The following SORBS2 variants were observed in gnomAD, a reference collection of about 807,000 sequenced individuals.
SORBS2 encodes sorbin and SH3 domain-containing protein 2.
In SORBS2, 46 loss-of-function variants were observed where a neutral mutation model predicts 97.7. The ratio of observed to expected loss-of-function variants is 0.47; its 90% CI spans 0.37 to 0.60. SORBS2 has a LOEUF of 0.60. SORBS2 is among the 20% of genes least tolerant of loss of function. The pLI is 0.00. For missense variants in SORBS2, 1,316 were observed against 1,282.3 expected, an observed-to-expected ratio of 1.03 and a Z score of -0.40; for synonymous variants, 476 against 473.4, an observed-to-expected ratio of 1.01 and a Z score of -0.07.
At chr4:185,942,568 C>T (rs2099272598) in intron 1 of SORBS2, among the ~76,000 whole-genome samples, 1 of 152,072 alleles carries the variant, frequency 6.6e-6, no homozygotes, top group Middle Eastern at 3.2e-3. Context: ...TCAGGCTGGT[C>T]TTGAACTCCT....
chr4:185,636,847 C>T (rs888055593), intron 4 of SORBS2, among the ~76,000 whole-genome samples: 9 of 152,094 alleles, frequency 5.9e-5, no homozygotes, highest in Admixed American at 5.9e-4. Context: ...CGGGGTTTCA[C>T]CATGTTGGCC....
At chr4:185,808,518 T>C (rs2099166144) in intron 1 of SORBS2, among the ~76,000 whole-genome samples, 1 of 152,308 alleles carries the variant, frequency 6.6e-6, no homozygotes, top group East Asian at 1.9e-4. Flanking sequence ...TGTTATCTAA[T>C]ATAGAACAGA....
chr4:185,914,053 A>T (rs1188998062), intron 1 of SORBS2, among the ~76,000 whole-genome samples: 2 of 152,166 alleles, frequency 1.3e-5, no homozygotes, highest in Non-Finnish European at 2.9e-5. Context: ...TTTGAGTACC[A>T]AAACAAGTAT....
intron 2 of SORBS2, among the ~76,000 whole-genome samples, chr4:185,739,584 G>T: frequency 6.6e-6 from 1 of 152,194 alleles, no homozygotes; most frequent in Middle Eastern, 3.2e-3. Flanking sequence ...TGTGCGTATT[G>T]AGGTGTGTGT....
At chr4:185,899,366 TTTTTA>T (rs2099246460) in intron 1 of SORBS2, among the ~76,000 whole-genome samples, 1 of 152,182 alleles carries the variant, frequency 6.6e-6, no homozygotes, top group African/African-American at 2.4e-5. Flanking sequence ...TTGGACATAT[TTTTTA>T]TTTTAGAGTG....
intron 4 of SORBS2, 33 bp from the exon 17 acceptor site, chr4:185,630,631 T>A: frequency 6.8e-7 from 1 of 1,463,774 alleles, no homozygotes; most frequent in African/African-American, 1.4e-5. Flanking sequence ...CCATGAAAAA[T>A]TTTACCGTGG....
At chr4:185,786,839 G>A (rs1584825850) in intron 1 of SORBS2, among the ~76,000 whole-genome samples, 1 of 152,064 alleles carries the variant, frequency 6.6e-6, no homozygotes, top group South Asian at 2.1e-4. Flanking sequence ...GTGTGTACCT[G>A]TAATCCCAGC....
At chr4:185,787,986 C>T (rs544021846) in intron 1 of SORBS2, among the ~76,000 whole-genome samples, 4 of 152,288 alleles carry the variant, frequency 2.6e-5, no homozygotes, top group Admixed American at 6.5e-5. Context: ...AACATTGTTG[C>T]GGCGAATGGG....
chr4:185,795,051 C>T (rs561274152), intron 1 of SORBS2, among the ~76,000 whole-genome samples: 3 of 152,186 alleles, frequency 2.0e-5, no homozygotes, highest in African/African-American at 7.2e-5. Context: ...TGTGTATAGG[C>T]GGGCTTCATG....
At chr4:185,747,860 G>C (rs939796875) in intron 2 of SORBS2, among the ~76,000 whole-genome samples, 2 of 152,114 alleles carry the variant, frequency 1.3e-5, no homozygotes, top group African/African-American at 4.8e-5. Context: ...GCACGGTGGA[G>C]GGCGCCGGTA....
chr4:185,752,575 C>A (rs373229624), intron 2 of SORBS2, among the ~76,000 whole-genome samples: 89 of 152,158 alleles, frequency 5.8e-4, no homozygotes, highest in Middle Eastern at 3.4e-3. Flanking sequence ...CGTGCCCAGC[C>A]CTGCAGCAGA....
At chr4:185,778,549 T>A (rs755158389) in intron 1 of SORBS2, among the ~76,000 whole-genome samples, 2 of 152,122 alleles carry the variant, frequency 1.3e-5, no homozygotes, top group Non-Finnish European at 2.9e-5. Context: ...AGAGAAATGA[T>A]ATGAAGTAGT....
rs145740090 is a variant in SORBS2, at chr4:185,607,647, T to A, written c.2796+4133A>T. Among the ~76,000 whole-genome samples, 1 of 152,244 alleles carries A rather than the reference T, an allele frequency of 6.6e-6. No homozygotes were observed. The highest frequency in any genetic ancestry group is 1.9e-4 in the East Asian group (1 of 5,182). On this transcript the variant is annotated intron_variant, in intron 12 of 14. Transcript: ENST00000418609. This position sits in a 1 kb window ranked among gnomAD's most constrained non-coding sequence, Gnocchi z 5.2. The stretch of plus-strand genomic sequence containing the variant: ...AACAAGATAAAGATGATATAGAGAT[T>A]ACCAGGACAGTAAAACCTTGAGAGA...
At chr4:185,614,778 C>T (rs2096602629) in intron 11 of SORBS2, 53 bp downstream of exon 23, 2 of 1,600,398 alleles carry the variant, frequency 1.2e-6, no homozygotes, top group Non-Finnish European at 1.7e-6. Context: ...CTTTTCAAAC[C>T]CACTGAAGAA....
At chr4:185,612,424 T>A (rs376983153) in intron 11 of SORBS2, among the ~76,000 whole-genome samples, 3 of 152,064 alleles carry the variant, frequency 2.0e-5, no homozygotes, top group Admixed American at 1.3e-4. Flanking sequence ...CTGTCTGAAA[T>A]GGGTTACAGA....
chr4:185,866,599 T>C lies in SORBS2; in HGVS notation c.-338+89597A>G, dbSNP rs1185453060. On this transcript the variant is annotated intron_variant, in intron 1 of 20. Transcript: ENST00000284776. ...TAGTTCAAATCATTAGAAAGAATTA[T>C]TTCTAGGCAAAACAGAGACAGTTTC... is the stretch of plus-strand genomic sequence containing the variant. Among the ~76,000 whole-genome samples, 3 of 152,332 alleles carry C rather than the reference T, an allele frequency of 2.0e-5. No individual in the cohort carries two copies. In the East Asian group the frequency reaches 5.8e-4, roughly 29 times the overall value.
intron 1 of SORBS2, among the ~76,000 whole-genome samples, chr4:185,887,403 AACT>A (rs1001392456): frequency 6.6e-6 from 1 of 152,150 alleles, no homozygotes; most frequent in African/African-American, 2.4e-5. Context: ...AGGGTTGAAA[AACT>A]ACTGCTTCGT....
At chr4:185,811,480 A>C (rs185185437) in intron 1 of SORBS2, among the ~76,000 whole-genome samples, 184 bp downstream of exon 1, 1 of 152,186 alleles carries the variant, frequency 6.6e-6, no homozygotes, top group East Asian at 1.9e-4. Context: ...TAGAACCAAA[A>C]TTCACTGAAA....
intron 2 of SORBS2, among the ~76,000 whole-genome samples, chr4:185,691,908 A>C (rs1406300060): frequency 6.6e-6 from 1 of 152,092 alleles, no homozygotes; most frequent in Non-Finnish European, 1.5e-5. Flanking sequence ...CCACGCTCGG[A>C]TAATTTCTTT....
Sources: allele counts gnomAD v4.1 joint callset (sites outside exome capture counted in the v4.1 genomes callset), GRCh38; gene constraint gnomAD v4.1.1; non-coding constraint Gnocchi (gnomAD v3.1); transcripts MANE v1.5; gene names NCBI Gene and HGNC (gene_info 2026-07-23, HGNC 2026-07-21).